The following PPP1R13B variants were observed in gnomAD, a reference collection of about 807,000 sequenced individuals.
PPP1R13B encodes the protein apoptosis-stimulating of p53 protein 1.
In PPP1R13B, 44 loss-of-function variants were observed where a neutral mutation model predicts 119.8. The ratio of observed to expected loss-of-function variants is 0.37; its 90% CI spans 0.29 to 0.47. PPP1R13B has a LOEUF of 0.47. Among genes scored for constraint, PPP1R13B ranks in the 20% least tolerant of loss-of-function variants. The probability of loss-of-function intolerance (pLI) is 0.99; values close to 1 mark genes in which losing one functional copy is unlikely to be tolerated. For missense variants in PPP1R13B, 1,227 were observed against 1,413.5 expected (o/e 0.87, Z 2.12); for synonymous variants, 542 against 561.5 (o/e 0.97, Z 0.49).
At chr14:103,811,094 CAAAAAAAAAAA>C (rs36017203) in intron 1 of PPP1R13B, among the ~76,000 whole-genome samples, 2 of 65,844 alleles carry the variant, frequency 3.0e-5, no homozygotes, top group South Asian at 7.3e-4. Flanking sequence ...GACTCCTCCT[CAAAAAAAAAAA>C]AAAAAAAAAA....
chr14:103,746,917 C>A, intron 8 of PPP1R13B: 1 of 165,296 alleles, frequency 6.0e-6, no homozygotes, highest in Non-Finnish European at 1.3e-5. Context: ...GGCTTCAAAT[C>A]CCCTCTGTGA....
chr14:103,742,290 C>A lies in PPP1R13B; in HGVS notation c.1322G>T (p.Gly441Val). ...FSALGPTEKP[G>V]IEIGKVPPPI... Reference sequence around the variant, plus strand: ...AGGTGGCACTTTACCAATCTCGATGCCCTAAGTTTAGGTGTTAAGAAGAAA... The same window carrying A: ...AGGTGGCACTTTACCAATCTCGATGACCTAAGTTTAGGTGTTAAGAAGAAA... Residue 441 changes from glycine to valine, a missense_variant and splice_region_variant, in exon 11 of 17, where the codon GGC becomes GTC. Physicochemically the swap from Gly to Val is moderately radical, Grantham distance 109. Coordinates refer to ENST00000202556, the MANE Select transcript of PPP1R13B (RefSeq NM_015316.3). The surrounding 1 kb of genome is among the most constrained non-coding windows in gnomAD (Gnocchi z 4.9). 5.8e-6 allele frequency: 9 copies of A among 1,548,626 alleles called. No homozygotes were observed. The highest frequency in any genetic ancestry group is 6.9e-6 in the Non-Finnish European group (8 of 1,154,684).
intron 1 of PPP1R13B, among the ~76,000 whole-genome samples, chr14:103,839,354 C>T (rs1052881487): frequency 2.0e-5 from 3 of 151,956 alleles, no homozygotes; most frequent in Admixed American, 6.5e-5. Context: ...TCGCCGGGCA[C>T]AGTGGCTCAC....
intron 6 of PPP1R13B, 116 bp from the exon 7 acceptor site, chr14:103,753,312 G>C: frequency 9.8e-7 from 1 of 1,018,976 alleles, no homozygotes; most frequent in Non-Finnish European, 1.4e-6. Context: ...GGAGAAAGCT[G>C]TGATATGCAG....
At position 103,757,004 on chromosome 14, in the gene PPP1R13B, C is replaced by T. The variant is rs11627998; in HGVS notation, c.456+646G>A. 5.7e-3 allele frequency among the ~76,000 whole-genome samples: 864 copies of T among 151,978 alleles called. 4 individuals are homozygous for T. Among genetic ancestry groups the T allele is most frequent in the Admixed American group, 0.011 (170 of 15,260 alleles). On this transcript the variant is annotated intron_variant, in intron 5 of 16. Coordinates refer to ENST00000202556, the MANE Select transcript of PPP1R13B (RefSeq NM_015316.3). ...GCCTCAATCTCCTGACCTTGTGAGC[C>T]GCCCACTTTGGCCTCCCAAAGTGCT...
rs1281631480 is a variant in PPP1R13B at position 103,734,810 on chromosome 14, G to A, written c.*344C>T. ...CACTGCTGGAGGGGGTGATGGCCTC[G>A]GGGCCAAGTCAGTAAGAGCTTCTGT... On this transcript the variant is annotated 3_prime_UTR_variant, in exon 17 of 17. Coordinates refer to ENST00000202556, the MANE Select transcript of PPP1R13B (RefSeq NM_015316.3). 1.1e-5 allele frequency: 5 copies of A among 460,274 alleles called. No homozygotes were observed. Among genetic ancestry groups the A allele is most frequent in the Middle Eastern group, 4.5e-4 (1 of 2,218 alleles). 28.5% of individuals were successfully genotyped at this position (460,274 alleles called of 1,614,324 possible).
At chr14:103,808,738 C>T (rs973893336) in intron 1 of PPP1R13B, among the ~76,000 whole-genome samples, 3 of 151,988 alleles carry the variant, frequency 2.0e-5, no homozygotes, top group Non-Finnish European at 4.4e-5. Context: ...ATAATTAGGG[C>T]TTGTATTATT....
chr14:103,828,625 G>A (rs778381582), intron 1 of PPP1R13B, among the ~76,000 whole-genome samples: 2 of 152,110 alleles, frequency 1.3e-5, no homozygotes, highest in Non-Finnish European at 2.9e-5. Context: ...CCACAGAAGG[G>A]CTGCCTGCTC....
intron 1 of PPP1R13B, among the ~76,000 whole-genome samples, chr14:103,814,314 A>AT (rs1417518416): frequency 2.0e-5 from 3 of 152,156 alleles, no homozygotes; most frequent in Non-Finnish European, 4.4e-5. Context: ...GCCCCACTGC[A>AT]CTCCAGCCTG....
At chr14:103,833,104 A>G (rs1595839350) in intron 1 of PPP1R13B, among the ~76,000 whole-genome samples, 1 of 152,380 alleles carries the variant, frequency 6.6e-6, no homozygotes, top group East Asian at 1.9e-4. Flanking sequence ...TTAATGCCAC[A>G]GAACTGTACA....
intron 1 of PPP1R13B, among the ~76,000 whole-genome samples, chr14:103,801,070 A>G (rs12880413): frequency 0.45 from 67,671 of 151,878 alleles, 15,572 homozygotes; most frequent in African/African-American, 0.56. Flanking sequence ...GGCTGCTCTC[A>G]AACTCCCGAC....
intron 3 of PPP1R13B, among the ~76,000 whole-genome samples, chr14:103,781,129 A>G (rs1459223184): frequency 6.6e-6 from 1 of 152,210 alleles, no homozygotes; most frequent in African/African-American, 2.4e-5. Context: ...AAAGTGAGAA[A>G]AAAATAACCA....
intron 1 of PPP1R13B, among the ~76,000 whole-genome samples, chr14:103,843,231 A>C (rs1186188135): frequency 6.6e-6 from 1 of 151,984 alleles, no homozygotes; most frequent in East Asian, 1.9e-4. Flanking sequence ...AAAATTAGCC[A>C]GGCATGGTGG....
At chr14:103,844,927 TCAGA>T (rs1277166684) in intron 1 of PPP1R13B, among the ~76,000 whole-genome samples, 3 of 152,184 alleles carry the variant, frequency 2.0e-5, no homozygotes, top group Admixed American at 6.5e-5. Flanking sequence ...ACACCAGATT[TCAGA>T]CACTTAGTAC....
intron 1 of PPP1R13B, among the ~76,000 whole-genome samples, chr14:103,837,054 A>C (rs114680137): frequency 6.6e-6 from 1 of 152,258 alleles, no homozygotes; most frequent in Non-Finnish European, 1.5e-5. Flanking sequence ...AAATCAACAC[A>C]GACAGAAATT....
At chr14:103,748,385 C>T (rs1408655865) in intron 8 of PPP1R13B, among the ~76,000 whole-genome samples, 2 of 152,174 alleles carry the variant, frequency 1.3e-5, no homozygotes, top group Non-Finnish European at 2.9e-5. Flanking sequence ...TGGAAGCTCC[C>T]TTCTACGTCT....
intron 1 of PPP1R13B, among the ~76,000 whole-genome samples, chr14:103,807,325 C>A (rs891027677): frequency 1.3e-5 from 2 of 152,170 alleles, no homozygotes; most frequent in Non-Finnish European, 2.9e-5. Flanking sequence ...CTGCTTAGCA[C>A]TCAACCACCA....
intron 1 of PPP1R13B, among the ~76,000 whole-genome samples, chr14:103,810,114 G>A (rs766600062): frequency 2.0e-5 from 3 of 150,058 alleles, no homozygotes; most frequent in Admixed American, 6.6e-5. Flanking sequence ...GTGAGCCACC[G>A]CGCCCAGCTG....
chr14:103,780,485 CAAAAAAAAAAAAAA>C (rs34274916), intron 3 of PPP1R13B, among the ~76,000 whole-genome samples: 30 of 36,194 alleles, frequency 8.3e-4, no homozygotes, highest in African/African-American at 2.9e-3. Context: ...AACCCTGTCT[CAAAAAAAAAAAAAA>C]AAAAAAAAAA....
Sources: allele counts gnomAD v4.1 joint callset (sites outside exome capture counted in the v4.1 genomes callset), GRCh38; gene constraint gnomAD v4.1.1; non-coding constraint Gnocchi (gnomAD v3.1); transcripts MANE v1.5; gene names NCBI Gene and HGNC (gene_info 2026-07-23, HGNC 2026-07-21).